MAN2A1: variants seen among roughly 807,000 people sequenced by gnomAD.
The protein encoded by MAN2A1 is alpha-mannosidase 2.
Under a neutral mutation model 142.6 loss-of-function variants are expected in MAN2A1, and 76 were observed. The observed-to-expected ratio is 0.53, with a 90% CI of 0.44 to 0.65. The LOEUF (loss-of-function observed/expected upper bound fraction) is 0.65, where lower values mean the gene tolerates loss of function less well. Ranked by LOEUF, MAN2A1 falls within the 30% of genes least tolerant of loss-of-function variation. The pLI, the probability that MAN2A1 is intolerant of heterozygous loss-of-function variation, is 0.00. For synonymous variants in MAN2A1, 559 were observed against 473.2 expected, an observed-to-expected ratio of 1.18 and a Z score of -2.35; for missense variants, 1,311 against 1,365.1, an observed-to-expected ratio of 0.96 and a Z score of 0.62.
At position 109,815,913 on chromosome 5, in the gene MAN2A1, A is replaced by G. The variant is rs75828292; in HGVS notation, c.1944-1360A>G. The stretch of plus-strand genomic sequence containing the variant: ...CAAAAATATTTCAGATCATGAAAAT[A>G]TGCACTAGTGAATCAGTGAGTTATA... On this transcript the variant is annotated intron_variant, in intron 12 of 21. Transcript: ENST00000261483. 5.1e-3 allele frequency among the ~76,000 whole-genome samples: 775 copies of G among 152,348 alleles called. 6 individuals are homozygous for G. The highest frequency in any genetic ancestry group is 0.018 in the African/African-American group (745 of 41,586).
At chr5:109,708,229 TA>T (rs1409440455) in intron 1 of MAN2A1, among the ~76,000 whole-genome samples, 1 of 152,144 alleles carries the variant, frequency 6.6e-6, no homozygotes, top group Non-Finnish European at 1.5e-5. Context: ...CCATTGTGCC[TA>T]ATACTCCCTG....
intron 3 of MAN2A1, among the ~76,000 whole-genome samples, chr5:109,721,434 T>C (rs762239977): frequency 1.2e-4 from 18 of 152,060 alleles, no homozygotes; most frequent in Non-Finnish European, 2.2e-4. Context: ...TAACAATGAA[T>C]AGTTTGTGTG....
intron 12 of MAN2A1, among the ~76,000 whole-genome samples, chr5:109,793,250 C>T (rs1753780327): frequency 6.6e-6 from 1 of 152,082 alleles, no homozygotes; most frequent in South Asian, 2.1e-4. Flanking sequence ...TAGATCAGGC[C>T]AAAATGGGTC....
intron 12 of MAN2A1, among the ~76,000 whole-genome samples, chr5:109,795,564 A>G (rs112508298): frequency 6.6e-6 from 1 of 152,206 alleles, no homozygotes; most frequent in Non-Finnish European, 1.5e-5. Context: ...TAAGATGTCC[A>G]CAAACTACAA....
At chr5:109,814,781 A>G (rs11740629) in intron 12 of MAN2A1, among the ~76,000 whole-genome samples, 2,836 of 152,322 alleles carry the variant, frequency 0.019, 39 homozygotes, top group Non-Finnish European at 0.029. Flanking sequence ...ATTAAGTATG[A>G]GTACTTTTTT....
intron 1 of MAN2A1, among the ~76,000 whole-genome samples, chr5:109,693,284 T>A (rs1177393075): frequency 6.6e-6 from 1 of 152,156 alleles, no homozygotes; most frequent in Non-Finnish European, 1.5e-5. Context: ...TTCTTTTTTT[T>A]TTCACTGCTT....
At chr5:109,745,905 C>T (rs1175685565) in intron 4 of MAN2A1, among the ~76,000 whole-genome samples, 1 of 152,208 alleles carries the variant, frequency 6.6e-6, no homozygotes, top group Non-Finnish European at 1.5e-5. Context: ...GTGTGAGCCA[C>T]TGCACTTGGT....
chr5:109,791,174 T>C (rs1753728892), intron 12 of MAN2A1, among the ~76,000 whole-genome samples: 1 of 152,056 alleles, frequency 6.6e-6, no homozygotes, highest in Non-Finnish European at 1.5e-5. Flanking sequence ...ATTACTTCTT[T>C]ACAGTTCTTT....
chr5:109,730,869 C>A (rs541318068), intron 4 of MAN2A1, among the ~76,000 whole-genome samples: 1 of 152,150 alleles, frequency 6.6e-6, no homozygotes, highest in Admixed American at 6.5e-5. Flanking sequence ...TTGCACACTG[C>A]GCCATCCTGC....
At chr5:109,804,981 A>G (rs1190552831) in intron 12 of MAN2A1, among the ~76,000 whole-genome samples, 1 of 152,192 alleles carries the variant, frequency 6.6e-6, no homozygotes, top group East Asian at 1.9e-4. Flanking sequence ...TTCTTCCAGT[A>G]GATGAAAATT....
chr5:109,858,846 G>A (rs776291575), intron 20 of MAN2A1, among the ~76,000 whole-genome samples: 2 of 152,222 alleles, frequency 1.3e-5, no homozygotes, highest in Non-Finnish European at 2.9e-5. Flanking sequence ...TGACTCCTGG[G>A]ATAAGGGGTT....
intron 12 of MAN2A1, among the ~76,000 whole-genome samples, chr5:109,790,623 A>G (rs1296515578): frequency 3.9e-5 from 6 of 152,068 alleles, no homozygotes; most frequent in Non-Finnish European, 7.4e-5. Flanking sequence ...TTGTCTTAAA[A>G]TAAGTTATGT....
rs898113559 is a variant in MAN2A1 at position 109,828,722 on chromosome 5, C to T, written c.2566+4885C>T. 3.3e-5 allele frequency among the ~76,000 whole-genome samples: 5 copies of T among 152,318 alleles called. No homozygotes were observed. The South Asian group carries it at 6.2e-4, about 19-fold the overall frequency. ...GGGAAACATCTTAAATGCAATACTT[C>T]TGCCCTGTTTTCCACCAACATATTA... On this transcript the variant is annotated intron_variant, in intron 16 of 21. Transcript: ENST00000261483.
intron 16 of MAN2A1, among the ~76,000 whole-genome samples, chr5:109,841,613 C>T (rs1249701989): frequency 6.6e-6 from 1 of 152,144 alleles, no homozygotes; most frequent in Non-Finnish European, 1.5e-5. Context: ...CTAGTAAACA[C>T]TTGAGGCTTA....
chr5:109,690,916 G>A (rs1176694029), intron 1 of MAN2A1, among the ~76,000 whole-genome samples: 1 of 152,148 alleles, frequency 6.6e-6, no homozygotes, highest in Non-Finnish European at 1.5e-5. Flanking sequence ...TCCCGGTGGG[G>A]TCGTTCTCGG....
At chr5:109,769,530 C>A (rs1207244240) in intron 6 of MAN2A1, among the ~76,000 whole-genome samples, 3 of 152,108 alleles carry the variant, frequency 2.0e-5, no homozygotes, top group African/African-American at 7.2e-5. Context: ...GGATCATATT[C>A]GCAAAGATAG....
At chr5:109,778,004 T>A (rs1348049251) in intron 8 of MAN2A1, among the ~76,000 whole-genome samples, 1 of 152,012 alleles carries the variant, frequency 6.6e-6, no homozygotes, top group African/African-American at 2.4e-5. Flanking sequence ...TCCAGTTTGT[T>A]CTCCTTCCCA....
chr5:109,822,220 C>G (rs1179663254), intron 15 of MAN2A1, among the ~76,000 whole-genome samples: 1 of 147,404 alleles, frequency 6.8e-6, no homozygotes, highest in Non-Finnish European at 1.5e-5. Flanking sequence ...AACTACAACT[C>G]ATATGAGGCA....
At chr5:109,720,475 TGAG>T (rs1342275049) in intron 3 of MAN2A1, among the ~76,000 whole-genome samples, 1 of 152,188 alleles carries the variant, frequency 6.6e-6, no homozygotes, top group Non-Finnish European at 1.5e-5. Context: ...AATAAAAACA[TGAG>T]GAAATCAGTG....
Sources: allele counts gnomAD v4.1 joint callset (sites outside exome capture counted in the v4.1 genomes callset), GRCh38; gene constraint gnomAD v4.1.1; transcripts MANE v1.5; gene names NCBI Gene and HGNC (gene_info 2026-07-23, HGNC 2026-07-21).